The following IRAK1BP1 variants were observed in gnomAD, a reference collection of about 807,000 sequenced individuals.
IRAK1BP1 encodes the protein interleukin 1 receptor associated kinase 1 binding protein 1.
IRAK1BP1 carries 24 observed loss-of-function variants against 28.0 expected under a neutral mutation model. The observed-to-expected ratio is 0.86, with a 90% CI of 0.62 to 1.20. IRAK1BP1 has a LOEUF of 1.20. Ranked by LOEUF, IRAK1BP1 falls within the 50% of genes most tolerant of loss-of-function variation. The pLI, the probability that IRAK1BP1 is intolerant of heterozygous loss-of-function variation, is 0.00. For synonymous variants in IRAK1BP1, 131 were observed against 116.3 expected, an observed-to-expected ratio of 1.13 and a Z score of -0.81; for missense variants, 336 against 316.7, an observed-to-expected ratio of 1.06 and a Z score of -0.46.
At chr6:78,883,815 C>T (rs754296806) in intron 1 of IRAK1BP1, among the ~76,000 whole-genome samples, 1 of 152,080 alleles carries the variant, frequency 6.6e-6, no homozygotes. Flanking sequence ...TGTCCTGCTC[C>T]GTCCCACCTG....
the IRAK1BP1 span, among the ~76,000 whole-genome samples, chr6:78,958,832 A>G: frequency 6.6e-6 from 1 of 152,084 alleles, no homozygotes; most frequent in African/African-American, 2.4e-5. Context: ...GGAACACACC[A>G]TATTAACAAA....
At chr6:78,890,515 A>G (rs1197367477) in intron 2 of IRAK1BP1, among the ~76,000 whole-genome samples, 1 of 152,228 alleles carries the variant, frequency 6.6e-6, no homozygotes, top group East Asian at 1.9e-4. Flanking sequence ...TTGAATTTCC[A>G]TATTCAGTGG....
At chr6:78,897,317 C>T (rs903001434) in intron 2 of IRAK1BP1, among the ~76,000 whole-genome samples, 1 of 149,932 alleles carries the variant, frequency 6.7e-6, no homozygotes, top group Non-Finnish European at 1.5e-5. Context: ...CTTAACAGAC[C>T]GGTTTTAAAG....
At chr6:78,954,812 A>C in the IRAK1BP1 span, 1 of 1,569,978 alleles carries the variant, frequency 6.4e-7, no homozygotes, top group African/African-American at 1.4e-5. Context: ...AAAAATACTT[A>C]CTGGATATTC....
At chr6:78,954,919 G>A in the IRAK1BP1 span, 23 of 1,582,914 alleles carry the variant, frequency 1.5e-5, no homozygotes, top group South Asian at 2.3e-5. Context: ...CTTGAATATC[G>A]TAAGACTGGG....
At position 78,867,688 on chromosome 6, in the gene IRAK1BP1, C is replaced by G; in HGVS notation, c.112C>G (p.Arg38Gly). 6.2e-7 allele frequency: 1 copy of G among 1,614,230 alleles called. No homozygotes were observed. The part of the protein sequence containing the change: ...ASGRETLPGL[R>G]HPLSSTQAQT... ...AGGGAGAGAGACGCTACCGGGCTTACGCCACCCCCTCTCCTCAACACAAGC... is the reference window on the plus strand; with the variant it reads ...AGGGAGAGAGACGCTACCGGGCTTAGGCCACCCCCTCTCCTCAACACAAGC... Residue 38 changes from arginine to glycine, a missense_variant, in exon 1 of 4, where the codon CGC becomes GGC. By Grantham distance (125) the Arg-to-Gly change is moderately radical (BLOSUM62 -2). Coordinates refer to ENST00000369940, the MANE Select transcript of IRAK1BP1 (RefSeq NM_001010844.4).
chr6:78,946,473 G>T, downstream of IRAK1BP1: 1 of 1,398,118 alleles, frequency 7.2e-7, no homozygotes, highest in African/African-American at 1.5e-5. Flanking sequence ...AAAGCATGAT[G>T]CCATCACTAT....
At position 78,901,942 on chromosome 6, in the gene IRAK1BP1, T is replaced by C. The variant is rs987815622; in HGVS notation, c.*3608T>C. ...ACTCTGTCAGATTTGTTGATAAGAA[T>C]TTAATAGTAAGGAGTTCTTATAGCC... On this transcript the variant is annotated 3_prime_UTR_variant, in exon 4 of 4. Coordinates refer to ENST00000369940, the MANE Select transcript of IRAK1BP1 (RefSeq NM_001010844.4). 3 of 152,140 alleles carry C rather than the reference T, an allele frequency of 2.0e-5. No homozygotes were observed. Among genetic ancestry groups the C allele is most frequent in the Non-Finnish European group, 2.9e-5 (2 of 68,026 alleles). The allele number at this position is 152,140 out of a possible 1,614,324, so 9.4% of individuals were successfully genotyped here.
chr6:78,955,423 A>C, the IRAK1BP1 span: 1 of 636,998 alleles, frequency 1.6e-6, no homozygotes, highest in Non-Finnish European at 2.6e-6. Context: ...CTCATTAAAA[A>C]GGTTCCCCCC....
downstream of IRAK1BP1, among the ~76,000 whole-genome samples, chr6:78,904,172 A>G (rs1265159039): frequency 1.3e-5 from 2 of 152,244 alleles, no homozygotes; most frequent in Non-Finnish European, 1.5e-5. Context: ...TTTGCAGTCC[A>G]ATAAGCATGC....
chr6:78,936,223 A>T (rs1335000499), intron 4 of IRAK1BP1: 26 of 152,000 alleles, frequency 1.7e-4, no homozygotes, highest in Admixed American at 1.7e-3. Context: ...TCTGTACAAA[A>T]TAAGCATAAT....
chr6:78,971,675 C>T, the IRAK1BP1 span, among the ~76,000 whole-genome samples: 20 of 152,158 alleles, frequency 1.3e-4, no homozygotes, highest in South Asian at 6.2e-4. Flanking sequence ...GTGCGCGCAC[C>T]GTGTGCGAGC....
intron 4 of IRAK1BP1, among the ~76,000 whole-genome samples, chr6:78,942,364 T>C (rs1386386080): frequency 6.6e-6 from 1 of 152,148 alleles, no homozygotes. Context: ...GTGCCTGTAA[T>C]CCCAGCTACT....
downstream of IRAK1BP1, among the ~76,000 whole-genome samples, chr6:78,905,176 T>C (rs781431857): frequency 6.6e-5 from 10 of 152,238 alleles, no homozygotes; most frequent in African/African-American, 2.2e-4. Context: ...AATAGAGGAT[T>C]GATCTCCCTA....
chr6:78,888,893 G>A lies in IRAK1BP1; in HGVS notation c.381+3450G>A, dbSNP rs142252492. Among the ~76,000 whole-genome samples the A allele has an allele frequency of 7.4e-3, 1,127 of 152,100 alleles. 6 individuals carry two copies. Among genetic ancestry groups the A allele is most frequent in the African/African-American group, 0.02 (835 of 41,518 alleles). Reference sequence around the variant, plus strand: ...AGCACTTTGGGAGGCTGAGGTGGGCGGATTGCTTGAGCCCAGGAGCTCCAG... The same window carrying A: ...AGCACTTTGGGAGGCTGAGGTGGGCAGATTGCTTGAGCCCAGGAGCTCCAG... On this transcript the variant is annotated intron_variant, in intron 2 of 3. Transcript: ENST00000369940.
chr6:78,873,796 CTGG>C (rs1390976182), intron 1 of IRAK1BP1, among the ~76,000 whole-genome samples: 2 of 152,302 alleles, frequency 1.3e-5, no homozygotes, highest in East Asian at 3.9e-4. Flanking sequence ...CTAATATTTC[CTGG>C]TCTCTTAAGG....
intron 4 of IRAK1BP1, among the ~76,000 whole-genome samples, chr6:78,933,538 C>A (rs1409665825): frequency 6.6e-6 from 1 of 152,126 alleles, no homozygotes; most frequent in African/African-American, 2.4e-5. Flanking sequence ...TCGCTTGAAC[C>A]CAGGAGGTGG....
At chr6:78,940,813 G>C in intron 4 of IRAK1BP1, 1 of 1,613,926 alleles carries the variant, frequency 6.2e-7, no homozygotes, top group Non-Finnish European at 8.5e-7. Context: ...CCTCTTCAGA[G>C]TCATCCTCAT....
chr6:78,922,099 G>A (rs566393602), intron 4 of IRAK1BP1, among the ~76,000 whole-genome samples: 13 of 152,190 alleles, frequency 8.5e-5, no homozygotes, highest in Non-Finnish European at 1.9e-4. Context: ...GGTGAGAGAA[G>A]AAGGCTTCAG....
Sources: gnomAD v4.1 joint callset for allele counts (sites outside exome capture counted in the v4.1 genomes callset) on GRCh38, gnomAD v4.1.1 for gene constraint, MANE v1.5 for transcripts, NCBI Gene and HGNC (gene_info 2026-07-23, HGNC 2026-07-21) for gene names.